The following NDST3 variants were observed in gnomAD, a reference collection of about 807,000 sequenced individuals.
NDST3 encodes bifunctional heparan sulfate N-deacetylase/N-sulfotransferase 3.
In NDST3, 58 loss-of-function variants were observed where a neutral mutation model predicts 96.1. The ratio of observed to expected loss-of-function variants is 0.60; its 90% CI spans 0.49 to 0.75. The LOEUF is 0.75. NDST3 is among the 30% of genes least tolerant of loss of function. The probability of loss-of-function intolerance (pLI) is 0.00; values close to 1 mark genes in which losing one functional copy is unlikely to be tolerated. For missense variants in NDST3, 788 were observed against 1,034.2 expected (o/e 0.76, Z 3.27); for synonymous variants, 333 against 359.7 (o/e 0.93, Z 0.84).
chr4:118,147,557 A>C (rs985472280), intron 6 of NDST3, among the ~76,000 whole-genome samples: 41 of 152,254 alleles, frequency 2.7e-4, no homozygotes, highest in African/African-American at 9.9e-4. Flanking sequence ...TGAAGATAAC[A>C]AAAAGGATTA....
chr4:118,138,119 A>T lies in NDST3; in HGVS notation c.1290A>T (p.Val430=). ...CTCACCATTCGGGCGTCTACCCTGT[A>T]CATGTTCAGCTTTATGAGGCCTGGA... The part of the protein sequence containing the change: ...VAPHHSGVYP[V]HVQLYEAWKK... The change falls in exon 5 of 14, where the codon GTA becomes GTT. Residue 430 remains valine, a synonymous_variant. Transcript: ENST00000296499. The T allele has an allele frequency of 6.2e-7, 1 of 1,614,016 alleles. No homozygotes were observed. Among genetic ancestry groups the T allele is most frequent in the Non-Finnish European group, 8.5e-7 (1 of 1,179,950 alleles).
intron 2 of NDST3, among the ~76,000 whole-genome samples, chr4:118,076,228 G>GT (rs1249087471): frequency 2.6e-5 from 4 of 152,160 alleles, no homozygotes; most frequent in South Asian, 4.1e-4. Context: ...TGCCTTTAAT[G>GT]TTTTTTCTTT....
At chr4:118,036,580 A>G (rs1191758784) in intron 1 of NDST3, among the ~76,000 whole-genome samples, 2 of 152,202 alleles carry the variant, frequency 1.3e-5, no homozygotes, top group African/African-American at 4.8e-5. Context: ...GACCTACATT[A>G]TAAAGATAAT....
intron 2 of NDST3, among the ~76,000 whole-genome samples, chr4:118,075,885 C>T (rs1727487448): frequency 1.3e-5 from 2 of 152,114 alleles, no homozygotes; most frequent in Admixed American, 1.3e-4. Context: ...TTTTGCTGTG[C>T]AGAAGCTCTT....
intron 5 of NDST3, among the ~76,000 whole-genome samples, chr4:118,140,934 C>G (rs1289926609): frequency 6.6e-6 from 1 of 152,076 alleles, no homozygotes; most frequent in Non-Finnish European, 1.5e-5. Context: ...AGCCAGAGAC[C>G]TCTAAAAAAT....
Position 118,054,241 on chromosome 4 carries a change from G to A in NDST3, c.331G>A (p.Ala111Thr). ...TAGATTCCAGTATCACATTGAAATT[G>A]CCCCTGGAAAGGGAGATCTCCCAGT... Reference protein sequence around the residue: ...SSRFQYHIEIAPGKGDLPVLI... With the variant: ...SSRFQYHIEITPGKGDLPVLI... The change falls in exon 2 of 14, where the codon GCC (alanine) becomes ACC (threonine). Residue 111 changes from alanine to threonine, a missense_variant. Coordinates refer to ENST00000296499, the MANE Select transcript of NDST3 (RefSeq NM_004784.3). 1 of 1,612,640 alleles carries A rather than the reference G, an allele frequency of 6.2e-7. No homozygotes were observed. The highest frequency in any genetic ancestry group is 8.5e-7 in the Non-Finnish European group (1 of 1,179,320).
intron 3 of NDST3, among the ~76,000 whole-genome samples, chr4:118,108,396 T>C (rs1029053775): frequency 6.6e-6 from 1 of 152,222 alleles, no homozygotes; most frequent in African/African-American, 2.4e-5. Context: ...TAAAGTGATA[T>C]CATATTTAAG....
intron 6 of NDST3, among the ~76,000 whole-genome samples, chr4:118,154,216 A>G (rs1449559874): frequency 1.3e-5 from 2 of 152,268 alleles, no homozygotes; most frequent in African/African-American, 4.8e-5. Flanking sequence ...CTCAGTTCCA[A>G]TTGTTCTGTA....
chr4:118,140,754 A>G (rs1468599632), intron 5 of NDST3, among the ~76,000 whole-genome samples: 2 of 152,200 alleles, frequency 1.3e-5, no homozygotes, highest in Non-Finnish European at 2.9e-5. Flanking sequence ...AGAGCCCCTT[A>G]TAAAATCATC....
rs550718776 is a variant in NDST3, at chr4:118,206,495, G to A, written c.1540-17996G>A. ...AACAAGGAATGATTCAATTTATCTG[G>A]AATATAGGGTGTATGTGGTAGAAGA... On this transcript the variant is annotated intron_variant, in intron 6 of 13. Transcript: ENST00000296499. Among the ~76,000 whole-genome samples, 164 of 144,530 alleles carry A rather than the reference G, an allele frequency of 1.1e-3. 16 individuals carry two copies. Among genetic ancestry groups the A allele is most frequent in the Non-Finnish European group, 2.0e-3 (130 of 65,172 alleles). 94.8% of individuals were successfully genotyped at this position (144,530 alleles called of 152,430 possible).
chr4:118,079,085 T>G (rs1727809104), intron 2 of NDST3, among the ~76,000 whole-genome samples: 2 of 152,218 alleles, frequency 1.3e-5, no homozygotes, highest in Admixed American at 1.3e-4. Flanking sequence ...AGACCATTTT[T>G]GGCCATTCAC....
At chr4:118,252,980 A>C (rs1243321866) in intron 12 of NDST3, among the ~76,000 whole-genome samples, 1 of 152,204 alleles carries the variant, frequency 6.6e-6, no homozygotes, top group Admixed American at 6.5e-5. Flanking sequence ...AGTAGCTCTG[A>C]AAAAAATTAA....
intron 7 of NDST3, among the ~76,000 whole-genome samples, chr4:118,225,852 T>C (rs1739840279): frequency 6.6e-6 from 1 of 152,234 alleles, no homozygotes. Flanking sequence ...TCCGTTGTTT[T>C]AACAAGCATC....
At chr4:118,151,293 C>G (rs935632452) in intron 6 of NDST3, among the ~76,000 whole-genome samples, 1 of 151,916 alleles carries the variant, frequency 6.6e-6, no homozygotes, top group Non-Finnish European at 1.5e-5. Flanking sequence ...TGCTAGATGA[C>G]GAGTTAGTGG....
intron 1 of NDST3, among the ~76,000 whole-genome samples, chr4:118,048,150 TA>T (rs1724875976): frequency 6.6e-6 from 1 of 152,132 alleles, no homozygotes; most frequent in Non-Finnish European, 1.5e-5. Flanking sequence ...GAGAAACAGA[TA>T]TAAAATCCTT....
intron 6 of NDST3, among the ~76,000 whole-genome samples, chr4:118,180,643 G>C (rs557485645): frequency 6.6e-6 from 1 of 152,248 alleles, no homozygotes; most frequent in Non-Finnish European, 1.5e-5. Context: ...TCAGAGCCTA[G>C]ATAAAAGCCT....
intron 6 of NDST3, among the ~76,000 whole-genome samples, chr4:118,223,117 C>T (rs1017758334): frequency 2.6e-5 from 4 of 151,766 alleles, no homozygotes; most frequent in African/African-American, 9.7e-5. Context: ...CATTTTTCTA[C>T]CTTATTAAGC....
chr4:118,096,704 TAGATAGAC>T (rs927916195), intron 2 of NDST3, among the ~76,000 whole-genome samples: 1 of 149,922 alleles, frequency 6.7e-6, no homozygotes. Context: ...GATAGATAGA[TAGATAGAC>T]AGTTAGGCAG....
chr4:118,154,854 AAT>A (rs1734623394), intron 6 of NDST3, among the ~76,000 whole-genome samples: 1 of 152,154 alleles, frequency 6.6e-6, no homozygotes, highest in South Asian at 2.1e-4. Flanking sequence ...ATTCCTTCTT[AAT>A]ATGAGTCAGT....
Sources: gnomAD v4.1 joint callset for allele counts (sites outside exome capture counted in the v4.1 genomes callset) on GRCh38, gnomAD v4.1.1 for gene constraint, MANE v1.5 for transcripts, NCBI Gene and HGNC (gene_info 2026-07-23, HGNC 2026-07-21) for gene names.